Variants in TEAD4 observed in about 807,000 individuals in gnomAD.
TEAD4 encodes transcriptional enhancer factor TEF-3.
TEAD4 carries 36 observed loss-of-function variants against 52.4 expected under a neutral mutation model. The ratio of observed to expected loss-of-function variants is 0.69; its 90% CI spans 0.53 to 0.91. The LOEUF is 0.91. TEAD4 is among the 40% of genes least tolerant of loss of function. TEAD4 has a pLI of 0.00. For missense variants in TEAD4, 508 were observed against 583.9 expected, an observed-to-expected ratio of 0.87 and a Z score of 1.34; for synonymous variants, 220 against 231.0, an observed-to-expected ratio of 0.95 and a Z score of 0.43.
intron 3 of TEAD4, among the ~76,000 whole-genome samples, chr12:3,006,473 C>A (rs2098255991): frequency 1.3e-5 from 2 of 152,014 alleles, no homozygotes; most frequent in Non-Finnish European, 1.5e-5. Flanking sequence ...GTGGGCAGAT[C>A]ACCTGAGGTT....
intron 2 of TEAD4, among the ~76,000 whole-genome samples, chr12:2,977,185 A>C (rs1298098768): frequency 6.6e-6 from 1 of 152,146 alleles, no homozygotes; most frequent in East Asian, 1.9e-4. Context: ...TGAGGATTAG[A>C]GTAGCTTGCT....
chr12:3,019,844 G>T (rs111403694), intron 8 of TEAD4, among the ~76,000 whole-genome samples: 27 of 152,032 alleles, frequency 1.8e-4, no homozygotes, highest in Non-Finnish European at 3.2e-4. Flanking sequence ...GCTTTCTCTC[G>T]TTCACACATC....
chr12:2,992,280 A>G (rs1161993231), intron 2 of TEAD4, among the ~76,000 whole-genome samples: 1 of 151,742 alleles, frequency 6.6e-6, no homozygotes, highest in Admixed American at 6.6e-5. Context: ...CGGCCTCCCA[A>G]AGTGCTGGGA....
chr12:3,023,581 TTC>T (rs149247854), intron 10 of TEAD4, among the ~76,000 whole-genome samples: 192 of 148,174 alleles, frequency 1.3e-3, no homozygotes, highest in Middle Eastern at 6.9e-3. Flanking sequence ...AGGCCAGGAG[TTC>T]AAGAACAGCT....
chr12:2,994,266 G>A lies in TEAD4; in HGVS notation c.-29-472G>A, dbSNP rs2098245397. ...AATTTTTGTATTTTTAGTAGAAACG[G>A]GGTTTCACCATGTTGGCCAGGCTGG... On this transcript the variant is annotated intron_variant, in intron 2 of 12. Transcript: ENST00000359864. The surrounding 1 kb of genome is among the most constrained non-coding windows in gnomAD (Gnocchi z 4.7). Among the ~76,000 whole-genome samples, 1 of 152,066 alleles carries A rather than the reference G, an allele frequency of 6.6e-6. No homozygotes were observed. Among genetic ancestry groups the A allele is most frequent in the Non-Finnish European group, 1.5e-5 (1 of 68,002 alleles).
chr12:2,986,435 C>T (rs1407523648), intron 2 of TEAD4, among the ~76,000 whole-genome samples: 3 of 151,882 alleles, frequency 2.0e-5, no homozygotes, highest in Admixed American at 6.6e-5. Context: ...GTCAGGAGTT[C>T]GAGACCAGCC....
At chr12:2,995,554 C>G (rs1345536129) in intron 3 of TEAD4, among the ~76,000 whole-genome samples, 1 of 152,168 alleles carries the variant, frequency 6.6e-6, no homozygotes, top group African/African-American at 2.4e-5. Flanking sequence ...GAAAGGCCCC[C>G]CCCAACCCAG....
chr12:2,960,254 C>T lies in TEAD4; in HGVS notation c.-30+214C>T, dbSNP rs115927514. The T allele has an allele frequency of 4.1e-3, 4,006 of 981,438 alleles. 130 individuals are homozygous for T. In the African/African-American group the frequency reaches 0.065, roughly 16 times the overall value. The allele number at this position is 981,438 out of a possible 1,614,324, so 60.8% of individuals were successfully genotyped here. A position where few individuals can be genotyped will look rare whatever the true frequency, so the allele number is the denominator to read the frequency against. On this transcript the variant is annotated intron_variant, in intron 2 of 12. Coordinates refer to ENST00000359864, the MANE Select transcript of TEAD4 (RefSeq NM_003213.4). ...AAAGGGAGGCCGGTGTGGAAAGGAC[C>T]GGAGAGGCAGAACCGAGAGCATCGG...
rs538738375 is a variant in TEAD4, at chr12:2,994,429, C to A, written c.-29-309C>A. On this transcript the variant is annotated intron_variant, in intron 2 of 12. Transcript: ENST00000359864. The surrounding 1 kb of genome is among the most constrained non-coding windows in gnomAD (Gnocchi z 4.7). ...ACCCAGGATTTTGCATGCTTTTTGC[C>A]CAGGGTCGATTTAATGTCAGTGCAT... is the stretch of plus-strand genomic sequence containing the variant. Among the ~76,000 whole-genome samples the A allele has an allele frequency of 6.6e-6, 1 of 152,212 alleles. No homozygotes were observed. Among genetic ancestry groups the A allele is most frequent in the East Asian group, 1.9e-4 (1 of 5,166 alleles).
rs549333432 is a variant in TEAD4, at chr12:2,980,238, G to A, written c.-29-14500G>A. 1.3e-4 allele frequency among the ~76,000 whole-genome samples: 20 copies of A among 152,182 alleles called. 1 individual carries two copies. Among genetic ancestry groups the A allele is most frequent in the Admixed American group, 2.6e-4 (4 of 15,294 alleles). The stretch of plus-strand genomic sequence containing the variant: ...CCTGGGAACCCTGCCTCTCTCCGCT[G>A]GGACCTTCACTGGAGGCCGTAGGAA... On this transcript the variant is annotated intron_variant, in intron 2 of 12. Coordinates refer to ENST00000359864, the MANE Select transcript of TEAD4 (RefSeq NM_003213.4).
chr12:3,023,035 G>A lies in TEAD4; in HGVS notation c.897+1018G>A, dbSNP rs114168495. On this transcript the variant is annotated intron_variant, in intron 10 of 12. Coordinates refer to ENST00000359864, the MANE Select transcript of TEAD4 (RefSeq NM_003213.4). ...CGTTCAGATGGCTTGCCGGCTCCCGGTGAGCAGCTCCCAGCCTGGCTCTCA... is the reference window on the plus strand; with the variant it reads ...CGTTCAGATGGCTTGCCGGCTCCCGATGAGCAGCTCCCAGCCTGGCTCTCA... Among the ~76,000 whole-genome samples the A allele has an allele frequency of 2.7e-3, 415 of 152,334 alleles. 2 individuals are homozygous for A. The highest frequency in any genetic ancestry group is 9.4e-3 in the African/African-American group (392 of 41,572).
chr12:3,034,796 A>C (rs981098401), intron 10 of TEAD4, among the ~76,000 whole-genome samples: 1 of 152,154 alleles, frequency 6.6e-6, no homozygotes, highest in Non-Finnish European at 1.5e-5. Context: ...ATTTGAAAAT[A>C]TGGAAAATAG....
chr12:3,038,091 G>T lies in TEAD4; in HGVS notation c.1021G>T (p.Val341Leu). The T allele has an allele frequency of 6.2e-7, 1 of 1,613,144 alleles. No homozygotes were observed. Residue 341 changes from valine (V) to leucine (L), a missense_variant, in exon 11 of 13, where the codon GTG becomes TTG. By Grantham distance (32) the Val-to-Leu change is conservative (BLOSUM62 1). Transcript: ENST00000359864. The stretch of plus-strand genomic sequence containing the variant: ...GAAGGTCTGCTCTTTCGGCAAGCAG[G>T]TGGTGGAGAAAGTTGAGGTAGGAGG...
chr12:3,034,536 C>A (rs901531339), intron 10 of TEAD4, among the ~76,000 whole-genome samples: 7 of 152,184 alleles, frequency 4.6e-5, no homozygotes, highest in African/African-American at 1.7e-4. Context: ...GCAGCCGCTG[C>A]CTCTGTGTGT....
intron 5 of TEAD4, among the ~76,000 whole-genome samples, chr12:3,012,561 A>G (rs2098261188): frequency 6.6e-6 from 1 of 151,960 alleles, no homozygotes; most frequent in Non-Finnish European, 1.5e-5. Flanking sequence ...AGTGCCCTCG[A>G]CCAGAGCATG....
At chr12:2,973,268 C>T (rs373137502) in intron 2 of TEAD4, among the ~76,000 whole-genome samples, 10 of 152,176 alleles carry the variant, frequency 6.6e-5, no homozygotes, top group African/African-American at 9.6e-5. Flanking sequence ...GATGAGGTTT[C>T]GCCATGTTGC....
At chr12:2,980,849 C>T (rs2098233594) in intron 2 of TEAD4, among the ~76,000 whole-genome samples, 1 of 152,128 alleles carries the variant, frequency 6.6e-6, no homozygotes, top group African/African-American at 2.4e-5. Context: ...TGTCTGAGGT[C>T]AAGAGCGAAA....
At chr12:2,979,348 C>T (rs1252913105) in intron 2 of TEAD4, among the ~76,000 whole-genome samples, 2 of 152,190 alleles carry the variant, frequency 1.3e-5, no homozygotes, top group Non-Finnish European at 2.9e-5. Context: ...ATTCTGTGCT[C>T]AGGAACAGCA....
At position 3,021,989 on chromosome 12, in the gene TEAD4, C is replaced by T. The variant is rs777335307; in HGVS notation, c.869C>T (p.Ser290Phe). The T allele has an allele frequency of 1.2e-6, 2 of 1,614,210 alleles. No individual in the cohort carries two copies. The highest frequency in any genetic ancestry group is 1.1e-5 in the South Asian group (1 of 91,080). Reference sequence around the variant, plus strand: ...AAGGATCTCTTCGAACGGGGACCCTCCAATGCCTTTTTTCTTGTGAAGTTC... The same window carrying T: ...AAGGATCTCTTCGAACGGGGACCCTTCAATGCCTTTTTTCTTGTGAAGTTC... The change falls in exon 10 of 13, where the codon TCC (serine) becomes TTC (phenylalanine). Residue 290 changes from serine (S) to phenylalanine (F), a missense_variant. Coordinates refer to ENST00000359864, the MANE Select transcript of TEAD4 (RefSeq NM_003213.4).
Sources: gnomAD v4.1 joint callset for allele counts (sites outside exome capture counted in the v4.1 genomes callset) on GRCh38, gnomAD v4.1.1 for gene constraint, Gnocchi (gnomAD v3.1) non-coding constraint, MANE v1.5 for transcripts, NCBI Gene and HGNC (gene_info 2026-07-23, HGNC 2026-07-21) for gene names.